Variants in METTL25 observed in about 807,000 individuals in gnomAD.
METTL25 encodes the protein probable methyltransferase-like protein 25.
In METTL25, 64 loss-of-function variants were observed where a neutral mutation model predicts 71.6. The ratio of observed to expected loss-of-function variants is 0.89; its 90% CI spans 0.73 to 1.10. METTL25 has a LOEUF of 1.10. Ranked by LOEUF, METTL25 falls within the 50% of genes least tolerant of loss-of-function variation. The pLI, the probability that METTL25 is intolerant of heterozygous loss-of-function variation, is 0.00. For synonymous variants in METTL25, 287 were observed against 250.3 expected, an observed-to-expected ratio of 1.15 and a Z score of -1.38; for missense variants, 807 against 707.0, an observed-to-expected ratio of 1.14 and a Z score of -1.60.
At chr12:82,456,454 T>C (rs1054801729) in intron 8 of METTL25, among the ~76,000 whole-genome samples, 1 of 151,948 alleles carries the variant, frequency 6.6e-6, no homozygotes, top group Non-Finnish European at 1.5e-5. Flanking sequence ...AGACCAATAG[T>C]TCCTTTTAAA....
rs1367490074 is a variant in METTL25 at position 82,386,986 on chromosome 12, G to A, written c.424+19G>A. Reference sequence around the variant, plus strand: ...AGAATTGGTATGTCTATTTATGTGTGTGTATGTGTGCTTTTTAGGTACTTA... The same window carrying A: ...AGAATTGGTATGTCTATTTATGTGTATGTATGTGTGCTTTTTAGGTACTTA... On this transcript the variant is annotated intron_variant, in intron 2 of 11. Coordinates refer to ENST00000248306, the MANE Select transcript of METTL25 (RefSeq NM_032230.3). The A allele has an allele frequency of 6.3e-7, 1 of 1,592,912 alleles. No individual in the cohort carries two copies. The highest frequency in any genetic ancestry group is 8.6e-7 in the Non-Finnish European group (1 of 1,166,558).
chr12:82,369,049 CTGAATG>C (rs1470840016), intron 1 of METTL25, among the ~76,000 whole-genome samples: 1 of 152,212 alleles, frequency 6.6e-6, no homozygotes, highest in African/African-American at 2.4e-5. Flanking sequence ...ACTTTGTTCT[CTGAATG>C]TACCATGTGT....
Position 82,430,895 on chromosome 12 carries a change from C to A in METTL25, c.1282C>A (p.Arg428Ser). ...CCGTATTTTTCCCCCATCTGCAGAA[C>A]GTACTCAGGAAAAGTGGGGATTTCC... The part of the protein sequence containing the change: ...SEEFENQHKE[R>S]TQEKWGFPMC... The change falls in exon 6 of 12, where the codon CGT becomes AGT. Residue 428 changes from arginine to serine, a missense_variant and splice_region_variant. By Grantham distance (110) the Arg-to-Ser change is moderately radical. Transcript: ENST00000248306. 6.4e-7 allele frequency: 1 copy of A among 1,560,508 alleles called. No homozygotes were observed. The highest frequency in any genetic ancestry group is 8.8e-7 in the Non-Finnish European group (1 of 1,140,000).
At chr12:82,457,955 C>A (rs1414024283) in intron 9 of METTL25, among the ~76,000 whole-genome samples, 1 of 152,180 alleles carries the variant, frequency 6.6e-6, no homozygotes, top group East Asian at 1.9e-4. Flanking sequence ...CTAGTGCAAA[C>A]CTTTAGTGCA....
At chr12:82,453,116 A>G (rs1238900855) in intron 8 of METTL25, among the ~76,000 whole-genome samples, 1 of 152,220 alleles carries the variant, frequency 6.6e-6, no homozygotes, top group African/African-American at 2.4e-5. Flanking sequence ...AGTTTGGGCA[A>G]TAAGTCTAGC....
At chr12:82,396,898 A>G (rs987171526) in intron 3 of METTL25, among the ~76,000 whole-genome samples, 2 of 152,114 alleles carry the variant, frequency 1.3e-5, no homozygotes, top group African/African-American at 2.4e-5. Context: ...ATTTGAGAGC[A>G]ATTGATATCT....
intron 9 of METTL25, among the ~76,000 whole-genome samples, chr12:82,460,325 T>C (rs780562604): frequency 6.6e-6 from 1 of 152,194 alleles, no homozygotes; most frequent in Admixed American, 6.5e-5. Flanking sequence ...TATATAGATA[T>C]TTCCTCCTCA....
At chr12:82,454,640 G>C (rs907891538) in intron 8 of METTL25, among the ~76,000 whole-genome samples, 6 of 151,910 alleles carry the variant, frequency 3.9e-5, no homozygotes, top group African/African-American at 1.4e-4. Flanking sequence ...AGTGTATTTT[G>C]AAAGGGAAAA....
At chr12:82,460,036 A>G (rs1891759442) in intron 9 of METTL25, 1 of 152,164 alleles carries the variant, frequency 6.6e-6, no homozygotes, top group Non-Finnish European at 1.5e-5. Flanking sequence ...TTCTTAAGCC[A>G]ATTATGTCCT....
chr12:82,398,559 T>A (rs1396584409), intron 3 of METTL25, among the ~76,000 whole-genome samples: 1 of 152,130 alleles, frequency 6.6e-6, no homozygotes, highest in African/African-American at 2.4e-5. Context: ...ACAGTTTTCC[T>A]TTTTCCCTTA....
chr12:82,450,331 G>C (rs1891051772), intron 8 of METTL25, among the ~76,000 whole-genome samples: 1 of 152,004 alleles, frequency 6.6e-6, no homozygotes, highest in South Asian at 2.1e-4. Context: ...AGACATCCTT[G>C]ACTCTTCTTT....
intron 9 of METTL25, among the ~76,000 whole-genome samples, chr12:82,459,152 AACCAAATTCAGAT>A (rs1214064295): frequency 4.6e-5 from 7 of 152,226 alleles, no homozygotes; most frequent in African/African-American, 1.7e-4. Flanking sequence ...CAAGCATCAG[AACCAAATTCAGAT>A]ATGGCAAAAA....
intron 9 of METTL25, among the ~76,000 whole-genome samples, chr12:82,459,486 G>A (rs898281977): frequency 1.3e-5 from 2 of 152,160 alleles, no homozygotes. Context: ...AAATTAGATA[G>A]TGTGGTGATA....
At chr12:82,403,183 T>C in intron 5 of METTL25, 53 bp downstream of exon 5, 1 of 1,513,156 alleles carries the variant, frequency 6.6e-7, no homozygotes, top group South Asian at 1.2e-5. Context: ...TAATGAAATA[T>C]GCTATTTCTA....
intron 4 of METTL25, among the ~76,000 whole-genome samples, chr12:82,399,698 G>T (rs1486982627): frequency 6.6e-6 from 1 of 152,034 alleles, no homozygotes. Context: ...TAAACAAGTA[G>T]TTAAATTTTA....
rs375535986 is a variant in METTL25, at chr12:82,423,641, C to T, written c.1280-7252C>T. Among the ~76,000 whole-genome samples the T allele has an allele frequency of 1.2e-4, 19 of 152,266 alleles. No homozygotes were observed. In the East Asian group the frequency reaches 2.7e-3, roughly 22 times the overall value. On this transcript the variant is annotated intron_variant, in intron 5 of 11. Transcript: ENST00000248306. ...TGGGAGAAAATTTTTGCAATCTACT[C>T]ATCTGACAAAGGGCTAATATCCAGA...
At chr12:82,371,372 A>G (rs1438864164) in intron 1 of METTL25, among the ~76,000 whole-genome samples, 5 of 152,072 alleles carry the variant, frequency 3.3e-5, no homozygotes, top group South Asian at 2.1e-4. Flanking sequence ...GTGCCTTCCA[A>G]TGATTGCCTT....
chr12:82,437,087 A>T (rs1889976539), intron 7 of METTL25, among the ~76,000 whole-genome samples: 1 of 151,674 alleles, frequency 6.6e-6, no homozygotes, highest in South Asian at 2.1e-4. Flanking sequence ...AGATGAGAAA[A>T]TCTCAAATGG....
At chr12:82,370,765 T>A (rs902780780) in intron 1 of METTL25, among the ~76,000 whole-genome samples, 3 of 152,224 alleles carry the variant, frequency 2.0e-5, no homozygotes, top group African/African-American at 7.2e-5. Flanking sequence ...TCTGACTCCC[T>A]CTTTGTCTCT....
Sources: gnomAD v4.1 joint callset for allele counts (sites outside exome capture counted in the v4.1 genomes callset) on GRCh38, gnomAD v4.1.1 for gene constraint, MANE v1.5 for transcripts, NCBI Gene and HGNC (gene_info 2026-07-23, HGNC 2026-07-21) for gene names.